Variants in CPLANE1 observed in about 807,000 individuals in gnomAD.
CPLANE1 encodes the protein ciliogenesis and planar polarity effector complex subunit 1, also known as ciliogenesis and planar polarity effector 1.
In CPLANE1, 263 loss-of-function variants were observed where a neutral mutation model predicts 362.5. The ratio of observed to expected loss-of-function variants is 0.73; its 90% CI spans 0.66 to 0.80. The LOEUF (loss-of-function observed/expected upper bound fraction) is 0.80, where lower values mean the gene tolerates loss of function less well. CPLANE1 is among the 30% of genes least tolerant of loss of function. The probability of loss-of-function intolerance (pLI) is 0.00; values close to 1 mark genes in which losing one functional copy is unlikely to be tolerated. For synonymous variants in CPLANE1, 1,212 were observed against 1,302.6 expected (o/e 0.93, Z 1.50); for missense variants, 3,461 against 3,793.4 (o/e 0.91, Z 2.30).
rs1740946296 is a variant in CPLANE1, at chr5:37,249,247, CCGCCAGGGGCAGGGT to C, written c.-65_-51del. On this transcript the variant is annotated 5_prime_UTR_variant, in exon 1 of 53. Transcript: ENST00000651892. ...GTAAGGAATCCGCGGGCAGTTACCT[CCGCCAGGGGCAGGGT>C]CCGGCCAGTCAGGCGCGAGAAGGCT... is the stretch of plus-strand genomic sequence containing the variant. The C allele has an allele frequency of 6.6e-6, 1 of 152,660 alleles. No individual in the cohort carries two copies. The highest frequency in any genetic ancestry group is 2.1e-4 in the South Asian group (1 of 4,832). The allele number at this position is 152,660 out of a possible 1,614,324, so 9.5% of individuals were successfully genotyped here.
chr5:37,163,183 G>A (rs1777320640), intron 37 of CPLANE1, among the ~76,000 whole-genome samples: 1 of 152,178 alleles, frequency 6.6e-6, no homozygotes, highest in Non-Finnish European at 1.5e-5. Flanking sequence ...GCCAGTGTGT[G>A]GAAAATAGGT....
At chr5:37,163,516 G>A (rs992857980) in intron 37 of CPLANE1, among the ~76,000 whole-genome samples, 1 of 152,114 alleles carries the variant, frequency 6.6e-6, no homozygotes, top group African/African-American at 2.4e-5. Flanking sequence ...GTTTACATGT[G>A]GATTTCTCTG....
In CPLANE1 at chr5:37,176,397, AG is replaced by A. The variant is rs550556963; in HGVS notation, c.5901-412del. ...ACGACTGTAATCCCAGCACTGTGGG[AG>A]GCCAAGGCAGGCAGATCACCTGAGC... On this transcript the variant is annotated intron_variant, in intron 30 of 52. Transcript: ENST00000651892. Among the ~76,000 whole-genome samples, 520 of 152,252 alleles carry A rather than the reference AG, an allele frequency of 3.4e-3. 2 individuals are homozygous for A. Among genetic ancestry groups the A allele is most frequent in the African/African-American group, 0.012 (501 of 41,540 alleles).
At position 37,201,020 on chromosome 5, in the gene CPLANE1, C is replaced by T. The variant is rs533729969; in HGVS notation, c.3507+571G>A. ...TGTATATTTTATAGAGACAGGGTTT[C>T]GCCATGTTGCCCAGGCTGGTCTCAA... On this transcript the variant is annotated intron_variant, in intron 19 of 52. Coordinates refer to ENST00000651892, the MANE Select transcript of CPLANE1 (RefSeq NM_001384732.1). Among the ~76,000 whole-genome samples, 5 of 152,212 alleles carry T rather than the reference C, an allele frequency of 3.3e-5. No individual in the cohort carries two copies. In the South Asian group the frequency reaches 8.3e-4, roughly 25 times the overall value.
chr5:37,200,851 T>A (rs1231949431), intron 19 of CPLANE1, among the ~76,000 whole-genome samples: 6 of 151,976 alleles, frequency 3.9e-5, no homozygotes, highest in African/African-American at 1.4e-4. Flanking sequence ...TGAGACAGAG[T>A]TTTGCTCTGT....
At chr5:37,175,812 A>G (rs1003084134) in intron 31 of CPLANE1, 97 bp downstream of exon 31, 2 of 786,380 alleles carry the variant, frequency 2.5e-6, no homozygotes, top group Admixed American at 2.3e-5. Flanking sequence ...GTCAAAATGT[A>G]GCAATTGTTT....
rs556549240 is a variant in CPLANE1 at position 37,122,648 on chromosome 5, G to A, written c.8959-160C>T. ...TAAAAATGTTAAATTAAAACATCAT[G>A]TAATTAAAGTAAAAACCAATTTAGG... On this transcript the variant is annotated intron_variant, in intron 47 of 52. Coordinates refer to ENST00000651892, the MANE Select transcript of CPLANE1 (RefSeq NM_001384732.1). 5.3e-5 allele frequency among the ~76,000 whole-genome samples: 8 copies of A among 152,294 alleles called. 1 individual carries two copies. The South Asian group carries it at 1.7e-3, about 32-fold the overall frequency.
intron 16 of CPLANE1, chr5:37,211,265 G>A: frequency 6.6e-7 from 1 of 1,508,438 alleles, no homozygotes; most frequent in Non-Finnish European, 9.2e-7. Context: ...CTAATGCAAG[G>A]GTCAAACAGC....
chr5:37,155,657 G>A lies in CPLANE1; in HGVS notation c.8119+1656C>T, dbSNP rs148043169. Among the ~76,000 whole-genome samples the A allele has an allele frequency of 4.4e-3, 677 of 152,336 alleles. 8 individuals are homozygous for A. Among genetic ancestry groups the A allele is most frequent in the African/African-American group, 0.015 (643 of 41,576 alleles). On this transcript the variant is annotated intron_variant, in intron 41 of 52. Transcript: ENST00000651892. Reference sequence around the variant, plus strand: ...CCCAAAGTGTTGGGATTATAGGCGTGAGCCACCACACCCAGCCAAACTTTA... The same window carrying A: ...CCCAAAGTGTTGGGATTATAGGCGTAAGCCACCACACCCAGCCAAACTTTA...
chr5:37,233,355 T>C (rs1304350632), intron 8 of CPLANE1, among the ~76,000 whole-genome samples: 1 of 152,026 alleles, frequency 6.6e-6, no homozygotes, highest in East Asian at 1.9e-4. Flanking sequence ...TTCTCACAGC[T>C]TCTTGCCTAC....
chr5:37,168,268 A>G (rs1451493334), intron 34 of CPLANE1, among the ~76,000 whole-genome samples: 1 of 152,210 alleles, frequency 6.6e-6, no homozygotes, highest in Admixed American at 6.6e-5. Context: ...AGATTTGAAG[A>G]TCATACAATA....
rs1227447651 is a variant in CPLANE1 at position 37,167,033 on chromosome 5, C to T, written c.7400+14G>A. On this transcript the variant is annotated intron_variant, in intron 35 of 52. Transcript: ENST00000651892. ...TATATGATATTATCAAATAAAATTT[C>T]ACTTAAGCCTTGCCTTTTTTTACTG... is the stretch of plus-strand genomic sequence containing the variant. 6.3e-7 allele frequency: 1 copy of T among 1,590,328 alleles called. No homozygotes were observed. Among genetic ancestry groups the T allele is most frequent in the East Asian group, 2.2e-5 (1 of 44,690 alleles).
chr5:37,157,825 TCATTAGCTTCAATGTCAATCA>T lies in CPLANE1; in HGVS notation c.7835_7855del (p.Val2612_Asn2618del). The T allele has an allele frequency of 2.5e-6, 4 of 1,608,590 alleles. No homozygotes were observed. Among genetic ancestry groups the T allele is most frequent in the Non-Finnish European group, 3.4e-6 (4 of 1,178,610 alleles). On this transcript the variant is annotated inframe_deletion, in exon 40 of 53. Transcript: ENST00000651892. ...TCTCACAGGTAATTCCTGTAGAAGA[TCATTAGCTTCAATGTCAATCA>T]CATTTATATAAGTATGTCCAACCTG...
At chr5:37,139,266 C>T (rs1768877657) in intron 45 of CPLANE1, 74 bp downstream of exon 45, 2 of 1,337,330 alleles carry the variant, frequency 1.5e-6, no homozygotes, top group East Asian at 2.6e-5. Context: ...AAAATTCACA[C>T]ACATATGAAC....
rs762334514 is a variant in CPLANE1 at position 37,226,317 on chromosome 5, G to A, written c.2278C>T (p.Gln760Ter). Residue 760 changes from glutamine (Q) to a stop codon, truncating the protein, a stop_gained, in exon 12 of 53, where the codon CAG (glutamine) becomes TAG (stop). Transcript: ENST00000651892. LOFTEE classifies it high-confidence loss of function. The part of the protein sequence containing the change: ...IHPQVVNPVQ[Q>*]PGHRLLILWR... ...AAGTGATTATACCTGTGTCCTGGCT[G>A]TTGCACAGGATTTACTACTTGAGGA... 1.6e-5 allele frequency: 25 copies of A among 1,519,338 alleles called. No homozygotes were observed. Among genetic ancestry groups the A allele is most frequent in the South Asian group, 1.0e-4 (8 of 76,624 alleles). 94.1% of individuals were successfully genotyped at this position (1,519,338 alleles called of 1,614,324 possible). A position where few individuals can be genotyped will look rare whatever the true frequency, so the allele number is the denominator to read the frequency against.
chr5:37,172,622 T>A (rs184726565), intron 32 of CPLANE1, among the ~76,000 whole-genome samples: 83 of 152,232 alleles, frequency 5.5e-4, no homozygotes, highest in African/African-American at 2.0e-3. Context: ...TAAAATTAGT[T>A]TCAGTAAGTT....
At chr5:37,119,430 G>A (rs1359194742) in intron 50 of CPLANE1, among the ~76,000 whole-genome samples, 2 of 152,100 alleles carry the variant, frequency 1.3e-5, no homozygotes, top group Non-Finnish European at 2.9e-5. Flanking sequence ...CAGCACTTTG[G>A]GAGGCCAAGG....
chr5:37,098,340 G>A, the CPLANE1 span, among the ~76,000 whole-genome samples: 3 of 122,450 alleles, frequency 2.4e-5, no homozygotes, highest in Admixed American at 1.1e-4. Flanking sequence ...GCAGTGAGCC[G>A]ATATCATGCC....
At chr5:37,084,233 A>G in the CPLANE1 span, among the ~76,000 whole-genome samples, 1 of 152,174 alleles carries the variant, frequency 6.6e-6, no homozygotes, top group East Asian at 1.9e-4. Flanking sequence ...ATGCTGAGAG[A>G]ATTCACCACT....
Sources: allele counts gnomAD v4.1 joint callset (sites outside exome capture counted in the v4.1 genomes callset), GRCh38; gene constraint gnomAD v4.1.1; transcripts MANE v1.5; gene names NCBI Gene and HGNC (gene_info 2026-07-23, HGNC 2026-07-21).